The following ATP8B3 variants were observed in gnomAD, a reference collection of about 807,000 sequenced individuals.
ATP8B3 encodes phospholipid-transporting ATPase IK.
A neutral mutation model predicts 140.9 loss-of-function variants in ATP8B3; 141 were observed. The ratio of observed to expected loss-of-function variants is 1.00; its 90% confidence interval spans 0.87 to 1.15. ATP8B3 has a LOEUF of 1.15. ATP8B3 is among the 50% of genes most tolerant of loss of function. ATP8B3 has a pLI of 0.00. For synonymous variants in ATP8B3, 765 were observed against 714.6 expected (o/e 1.07, Z -1.13); for missense variants, 1,874 against 1,740.6 (o/e 1.08, Z -1.36).
chr19:1,801,308 C>T (rs1393732222), intron 12 of ATP8B3, among the ~76,000 whole-genome samples: 4 of 152,168 alleles, frequency 2.6e-5, no homozygotes, highest in African/African-American at 4.8e-5. Flanking sequence ...TGAGCCACCA[C>T]GCCCAGCTAA....
At chr19:1,793,254 C>T (rs907386169) in intron 18 of ATP8B3, among the ~76,000 whole-genome samples, 3 of 135,648 alleles carry the variant, frequency 2.2e-5, no homozygotes, top group African/African-American at 9.4e-5. Flanking sequence ...TCACACCCGG[C>T]TAATTTCTTT....
Position 1,800,548 on chromosome 19 carries a change from A to C in ATP8B3, c.1153-99T>G. 1 of 1,111,604 alleles carries C rather than the reference A, an allele frequency of 9.0e-7. No homozygotes were observed. Among genetic ancestry groups the C allele is most frequent in the South Asian group, 1.4e-5 (1 of 69,904 alleles). The allele number at this position is 1,111,604 out of a possible 1,614,324, so 68.9% of individuals were successfully genotyped here. On this transcript the variant is annotated intron_variant, in intron 12 of 28. Coordinates refer to ENST00000310127, the MANE Select transcript of ATP8B3 (RefSeq NM_138813.4). The surrounding 1 kb of genome is among the most constrained non-coding windows in gnomAD (Gnocchi z 4.4). ...CAAAGATAAGGCTGGGGCTGGGCAC[A>C]GTGGCTCATGCCTGTAATCTCAGCA...
At chr19:1,811,153 AC>A (rs986162634) in intron 2 of ATP8B3, among the ~76,000 whole-genome samples, 1 of 151,822 alleles carries the variant, frequency 6.6e-6, no homozygotes, top group African/African-American at 2.4e-5. Context: ...ACTGAATGGG[AC>A]CCCCGGGCTA....
rs2068266949 is a variant in ATP8B3, at chr19:1,785,243, T to C, written c.3448A>G (p.Ser1150Gly). Residue 1150 changes from serine to glycine, a missense_variant, in exon 27 of 29, where the codon AGC (serine) becomes GGC (glycine). Physicochemically the swap from Ser to Gly is moderately conservative, Grantham distance 56. This residue lies in a region of ATP8B3 where 840 missense variants were observed against 760.9 expected (regional missense o/e 1.10). Coordinates refer to ENST00000310127, the MANE Select transcript of ATP8B3 (RefSeq NM_138813.4). Reference protein sequence around the residue: ...TALCVATILLSLGFYAIMTTT... With the variant: ...TALCVATILLGLGFYAIMTTT... ...GTCATGATGGCGTAGAAACCAAGGC[T>C]GAGGAGGATGGTCGCCACGCACAGG... is the stretch of plus-strand genomic sequence containing the variant. 6.2e-7 allele frequency: 1 copy of C among 1,609,638 alleles called. No homozygotes were observed. The highest frequency in any genetic ancestry group is 1.3e-5 in the African/African-American group (1 of 74,836).
rs1208490910 is a variant in ATP8B3 at position 1,802,043 on chromosome 19, A to G, written c.1065T>C (p.Gly355=). 1 of 1,608,762 alleles carries G rather than the reference A, an allele frequency of 6.2e-7. No homozygotes were observed. Among genetic ancestry groups the G allele is most frequent in the Admixed American group, 1.7e-5 (1 of 59,558 alleles). ...AGTTCTTCATAATTTTTGTGTCAAA[A>G]CCTACAAACATGTATCCATCTATCC... The part of the protein sequence containing the change: ...DTCYGLVIYA[G]FDTKIMKNCG... The change falls in exon 12 of 29, where the codon GGT becomes GGC. Residue 355 remains glycine (G), a splice_region_variant and synonymous_variant. Transcript: ENST00000310127.
Position 1,805,484 on chromosome 19 carries a change from A to T in ATP8B3, c.822-28T>A. The T allele has an allele frequency of 6.5e-7, 1 of 1,530,410 alleles. No homozygotes were observed. The highest frequency in any genetic ancestry group is 2.4e-5 in the East Asian group (1 of 41,156). The allele number at this position is 1,530,410 out of a possible 1,614,324, so 94.8% of individuals were successfully genotyped here. A position where few individuals can be genotyped will look rare whatever the true frequency, so the allele number is the denominator to read the frequency against. On this transcript the variant is annotated intron_variant, in intron 9 of 28. Coordinates refer to ENST00000310127, the MANE Select transcript of ATP8B3 (RefSeq NM_138813.4). This position sits in a 1 kb window ranked among gnomAD's most constrained non-coding sequence, Gnocchi z 5.2. Reference sequence around the variant, plus strand: ...GGTGACGAGGAGAGGAGGGAGGTGAAAGTGGAGTTGATGGATGCTTCGAGG... The same window carrying T: ...GGTGACGAGGAGAGGAGGGAGGTGATAGTGGAGTTGATGGATGCTTCGAGG...
At chr19:1,791,434 C>G (rs1426507937) in intron 20 of ATP8B3, among the ~76,000 whole-genome samples, 2 of 150,604 alleles carry the variant, frequency 1.3e-5, no homozygotes, top group African/African-American at 2.4e-5. Flanking sequence ...GTCGCCCAGG[C>G]TGGAGTGCAA....
Position 1,796,974 on chromosome 19 carries a change from C to T in ATP8B3, c.1584G>A (p.Lys528=). Residue 528 remains lysine, a splice_region_variant and synonymous_variant, in exon 15 of 29, where the codon AAG becomes AAA. Coordinates refer to ENST00000310127, the MANE Select transcript of ATP8B3 (RefSeq NM_138813.4). ...CGCGCTGCAAGCCAGGCAGGCTCAC[C>T]TTAGGTCGGGTCGTGGCCTCTGAAT... ...GPDSEATTRP[K]ENPYLWNKFA... 6.2e-7 allele frequency: 1 copy of T among 1,613,020 alleles called. No individual in the cohort carries two copies. The highest frequency in any genetic ancestry group is 8.5e-7 in the Non-Finnish European group (1 of 1,179,798).
chr19:1,795,505 T>G (rs1190485662), intron 18 of ATP8B3, among the ~76,000 whole-genome samples: 1 of 152,038 alleles, frequency 6.6e-6, no homozygotes, highest in African/African-American at 2.4e-5. Context: ...GAGCCAAGAC[T>G]GTGCCACTGC....
At position 1,791,640 on chromosome 19, in the gene ATP8B3, G is replaced by A. The variant is rs528254000; in HGVS notation, c.2302+110C>T. ...ACTTCTGACCTCAAGTGATCCGCCC[G>A]CCTCGGCCTCCCAAAGTGCTGGGAT... On this transcript the variant is annotated intron_variant, in intron 20 of 28. Transcript: ENST00000310127. The A allele has an allele frequency of 1.2e-4, 98 of 799,376 alleles. 2 individuals carry two copies. In the South Asian group the frequency reaches 1.3e-3, roughly 11 times the overall value. The allele number at this position is 799,376 out of a possible 1,614,324, so 49.5% of individuals were successfully genotyped here. A position where few individuals can be genotyped will look rare whatever the true frequency, so the allele number is the denominator to read the frequency against.
chr19:1,784,918 G>A lies in ATP8B3; in HGVS notation c.3561C>T (p.Pro1187=), dbSNP rs1200833999. 6.2e-7 allele frequency: 1 copy of A among 1,612,564 alleles called. No individual in the cohort carries two copies. The highest frequency in any genetic ancestry group is 2.2e-5 in the East Asian group (1 of 44,880). ...LYADLSVMSS[P]SILLVVLLSV... is the part of the protein sequence containing the mutation. ...TCAGCAGGACCACCAGCAGGATGGA[G>A]GGAGAGGACATCACGCTGAGGTCGG... The change falls in exon 28 of 29, where the codon CCC becomes CCT. Residue 1187 remains proline (P), a synonymous_variant. Coordinates refer to ENST00000310127, the MANE Select transcript of ATP8B3 (RefSeq NM_138813.4).
At position 1,796,237 on chromosome 19, in the gene ATP8B3, G is replaced by A. The variant is rs369866322; in HGVS notation, c.1782C>T (p.Pro594=). ...PDQLLYQAAS[P]DEGALVTAAR... is the part of the protein sequence containing the mutation. ...CTGCGGTGACCAGCGCCCCCTCGTC[G>A]GGGGAGGCCGCCTGGTACAACAGCT... The change falls in exon 17 of 29, where the codon CCC becomes CCT. Residue 594 remains proline (P), a synonymous_variant. Coordinates refer to ENST00000310127, the MANE Select transcript of ATP8B3 (RefSeq NM_138813.4). 93 of 1,611,794 alleles carry A rather than the reference G, an allele frequency of 5.8e-5. No individual in the cohort carries two copies. The highest frequency in any genetic ancestry group is 5.0e-4 in the Middle Eastern group (3 of 6,028).
Position 1,807,822 on chromosome 19 carries a change from G to A in ATP8B3, c.516+400C>T, listed in dbSNP as rs2145208304. On this transcript the variant is annotated intron_variant, in intron 5 of 28. Coordinates refer to ENST00000310127, the MANE Select transcript of ATP8B3 (RefSeq NM_138813.4). This position sits in a 1 kb window ranked among gnomAD's most constrained non-coding sequence, Gnocchi z 5.9. ...GCTGGCCTGGACCACCCAGGTACCG[G>A]GAAGTGGCTCCACAGGTCCTGAGAA... is the stretch of plus-strand genomic sequence containing the variant. Among the ~76,000 whole-genome samples the A allele has an allele frequency of 6.6e-6, 1 of 152,398 alleles. No individual in the cohort carries two copies. The highest frequency in any genetic ancestry group is 2.1e-4 in the South Asian group (1 of 4,834).
At chr19:1,802,719 G>GGAACC in intron 10 of ATP8B3, 74 bp from the exon 11 acceptor site, 1 of 1,518,928 alleles carries the variant, frequency 6.6e-7, no homozygotes, top group Non-Finnish European at 8.9e-7. Flanking sequence ...CCGGGTGCAG[G>GGAACC]TGAGAACATT....
At chr19:1,787,705 G>A (rs2068349087) in intron 24 of ATP8B3, among the ~76,000 whole-genome samples, 1 of 142,176 alleles carries the variant, frequency 7.0e-6, no homozygotes, top group Non-Finnish European at 1.5e-5. Context: ...CTCCAGCCTG[G>A]GCAACAAGTG....
At position 1,790,854 on chromosome 19, in the gene ATP8B3, C is replaced by T. The variant is rs2068484844; in HGVS notation, c.2303-22G>A. The T allele has an allele frequency of 2.5e-6, 4 of 1,576,370 alleles. No individual in the cohort carries two copies. In the South Asian group the frequency reaches 3.5e-5, roughly 14 times the overall value. On this transcript the variant is annotated intron_variant, in intron 20 of 28. Transcript: ENST00000310127. The stretch of plus-strand genomic sequence containing the variant: ...GTTTCTGCGAAGCAGACCAGCTCAG[C>T]GCCTCTGCGACCCGCCCCGCACTGG...
chr19:1,808,595 C>A (rs2069098958), intron 4 of ATP8B3, among the ~76,000 whole-genome samples: 1 of 149,856 alleles, frequency 6.7e-6, no homozygotes, highest in Admixed American at 6.6e-5. Flanking sequence ...GAATGCAAGG[C>A]CTCAGACCAG....
chr19:1,790,066 C>G, intron 21 of ATP8B3, 77 bp from the exon 22 acceptor site: 1 of 1,088,378 alleles, frequency 9.2e-7, no homozygotes, highest in South Asian at 1.3e-5. Context: ...CACTGCCCCT[C>G]CCACCCCTTC....
chr19:1,799,665 G>A (rs984608394), intron 14 of ATP8B3: 11 of 552,126 alleles, frequency 2.0e-5, no homozygotes, highest in Admixed American at 3.5e-5. Context: ...TCGGGAGGCT[G>A]AGCCAGGAGA....
Sources: gnomAD v4.1 joint callset for allele counts (sites outside exome capture counted in the v4.1 genomes callset) on GRCh38, gnomAD v4.1.1 for gene constraint, gnomAD v4.1.1 regional missense constraint, Gnocchi (gnomAD v3.1) non-coding constraint, MANE v1.5 for transcripts, NCBI Gene and HGNC (gene_info 2026-07-23, HGNC 2026-07-21) for gene names.